ADAM19: variants seen among roughly 807,000 people sequenced by gnomAD.
ADAM19 encodes the protein ADAM metallopeptidase domain 19.
A neutral mutation model predicts 114.7 loss-of-function variants in ADAM19; 65 were observed. That is an observed-to-expected ratio of 0.57 (90% CI 0.46 to 0.70). ADAM19 has a LOEUF of 0.70. Among genes scored for constraint, ADAM19 ranks in the 30% least tolerant of loss-of-function variants. The probability of loss-of-function intolerance (pLI) is 0.00; values close to 1 mark genes in which losing one functional copy is unlikely to be tolerated. For missense variants in ADAM19, 1,063 were observed against 1,204.7 expected, an observed-to-expected ratio of 0.88 and a Z score of 1.74; for synonymous variants, 466 against 460.5, an observed-to-expected ratio of 1.01 and a Z score of -0.15.
chr5:157,504,376 T>C (rs1251198599), intron 11 of ADAM19, among the ~76,000 whole-genome samples: 1 of 152,068 alleles, frequency 6.6e-6, no homozygotes, highest in Non-Finnish European at 1.5e-5. Flanking sequence ...TCAGCCTCCC[T>C]AGTAGCTGGG....
At position 157,479,588 on chromosome 5, in the gene ADAM19, C is replaced by A; in HGVS notation, c.*1361G>T. On this transcript the variant is annotated 3_prime_UTR_variant, in exon 23 of 23. Coordinates refer to ENST00000257527, the MANE Select transcript of ADAM19 (RefSeq NM_033274.5). ...CCTGCTGCAGGGAAGACAGGAGCCA[C>A]CGCAGACCCCCTCACCTGCTCAGAG... 2.0e-6 allele frequency: 2 copies of A among 985,878 alleles called. No homozygotes were observed. The highest frequency in any genetic ancestry group is 2.4e-6 in the Non-Finnish European group (2 of 829,984). The allele number at this position is 985,878 out of a possible 1,614,324, so 61.1% of individuals were successfully genotyped here.
In ADAM19 at chr5:157,490,471, C is replaced by A; in HGVS notation, c.2096-17G>T. Reference sequence around the variant, plus strand: ...GACCCACACCTTCCAGAAACAGAACCCAAGTGGGAGATTTAGAAGCTGTCT... The same window carrying A: ...GACCCACACCTTCCAGAAACAGAACACAAGTGGGAGATTTAGAAGCTGTCT... On this transcript the variant is annotated splice_polypyrimidine_tract_variant and intron_variant, in intron 18 of 22. Transcript: ENST00000257527. The A allele has an allele frequency of 1.2e-6, 2 of 1,611,422 alleles. No individual in the cohort carries two copies. The highest frequency in any genetic ancestry group is 1.7e-6 in the Non-Finnish European group (2 of 1,178,188).
intron 3 of ADAM19, among the ~76,000 whole-genome samples, chr5:157,542,184 C>G (rs914887973): frequency 6.6e-6 from 1 of 152,068 alleles, no homozygotes; most frequent in African/African-American, 2.4e-5. Flanking sequence ...CTGCACAACA[C>G]CTGGAAAGAC....
At chr5:157,514,183 G>C (rs1365651757) in intron 7 of ADAM19, among the ~76,000 whole-genome samples, 1 of 152,190 alleles carries the variant, frequency 6.6e-6, no homozygotes, top group Non-Finnish European at 1.5e-5. Context: ...GAGGTCATGT[G>C]AATGACATGA....
At chr5:157,525,767 A>C (rs993781726) in intron 5 of ADAM19, among the ~76,000 whole-genome samples, 1 of 152,228 alleles carries the variant, frequency 6.6e-6, no homozygotes. Flanking sequence ...TTTTGAGCTT[A>C]TTCCAGGCCA....
At chr5:157,481,137 A>T (rs1232075410) in intron 22 of ADAM19, 135 bp from the exon 23 acceptor site, 2 of 1,180,004 alleles carry the variant, frequency 1.7e-6, no homozygotes, top group African/African-American at 3.0e-5. Context: ...TGTGAAGTCC[A>T]TCCATGTGTC....
chr5:157,526,171 TATACAC>T (rs1288838467), intron 5 of ADAM19, among the ~76,000 whole-genome samples: 179 of 147,816 alleles, frequency 1.2e-3, no homozygotes, highest in Middle Eastern at 7.0e-3. Context: ...TATATATATA[TATACAC>T]ACACACACAC....
Position 157,479,077 on chromosome 5 carries a change from G to A in ADAM19, c.*1872C>T. 2.0e-6 allele frequency: 2 copies of A among 985,784 alleles called. No individual in the cohort carries two copies. Among genetic ancestry groups the A allele is most frequent in the Non-Finnish European group, 2.4e-6 (2 of 829,942 alleles). The allele number at this position is 985,784 out of a possible 1,614,324, so 61.1% of individuals were successfully genotyped here. On this transcript the variant is annotated 3_prime_UTR_variant, in exon 23 of 23. Transcript: ENST00000257527. ...GTAGCACATTTAAATAAAAGGTTGGGCCACAGGAAAGGTGGGGAATGGATC... is the reference window on the plus strand; with the variant it reads ...GTAGCACATTTAAATAAAAGGTTGGACCACAGGAAAGGTGGGGAATGGATC...
At chr5:157,503,185 C>T (rs1010134256) in intron 11 of ADAM19, among the ~76,000 whole-genome samples, 1 of 152,150 alleles carries the variant, frequency 6.6e-6, no homozygotes, top group Non-Finnish European at 1.5e-5. Context: ...AGTTCGTGTC[C>T]TTAGTAGGGA....
intron 3 of ADAM19, among the ~76,000 whole-genome samples, chr5:157,562,194 A>G (rs887085010): frequency 1.3e-5 from 2 of 152,204 alleles, no homozygotes; most frequent in African/African-American, 4.8e-5. Context: ...CATGTTCAAA[A>G]CAAAAAGCCC....
intron 3 of ADAM19, among the ~76,000 whole-genome samples, chr5:157,562,631 A>C (rs540351882): frequency 6.6e-6 from 1 of 152,224 alleles, no homozygotes; most frequent in Non-Finnish European, 1.5e-5. Flanking sequence ...CACCAAGAAT[A>C]CACATGATCC....
At position 157,491,663 on chromosome 5, in the gene ADAM19, T is replaced by A. The variant is rs1172515624; in HGVS notation, c.2047A>T (p.Thr683Ser). Reference sequence around the variant, plus strand: ...TCGATACTGCCCCCGTGGCCCGGTGTGTTGCAGAAGGGCGGGGCCCAGCCC... The same window carrying A: ...TCGATACTGCCCCCGTGGCCCGGTGAGTTGCAGAAGGGCGGGGCCCAGCCC... ...LPGWAPPFCN[T>S]PGHGGSIDSG... Residue 683 changes from threonine to serine, a missense_variant, in exon 18 of 23, where the codon ACA becomes TCA. Transcript: ENST00000257527. 2 of 1,570,390 alleles carry A rather than the reference T, an allele frequency of 1.3e-6. No individual in the cohort carries two copies. Among genetic ancestry groups the A allele is most frequent in the Non-Finnish European group, 1.7e-6 (2 of 1,156,896 alleles).
intron 8 of ADAM19, among the ~76,000 whole-genome samples, chr5:157,513,093 T>C (rs1027984348): frequency 2.6e-5 from 4 of 152,194 alleles, no homozygotes; most frequent in Non-Finnish European, 5.9e-5. Flanking sequence ...TCTGTTTTCA[T>C]CTAACTTTTA....
intron 21 of ADAM19, among the ~76,000 whole-genome samples, chr5:157,486,555 C>T (rs1471859780): frequency 1.3e-5 from 2 of 152,156 alleles, no homozygotes; most frequent in African/African-American, 4.8e-5. Context: ...CTGTCCCTGA[C>T]ACTTCCTGAC....
At chr5:157,515,578 C>T (rs1218321521) in intron 7 of ADAM19, among the ~76,000 whole-genome samples, 1 of 152,198 alleles carries the variant, frequency 6.6e-6, no homozygotes, top group Non-Finnish European at 1.5e-5. Flanking sequence ...ACCAATGGGC[C>T]TGGCTGTGTT....
Position 157,480,098 on chromosome 5 carries a change from GTT to G in ADAM19, c.*849_*850del. 2.0e-6 allele frequency: 2 copies of G among 985,922 alleles called. No individual in the cohort carries two copies. Among genetic ancestry groups the G allele is most frequent in the Non-Finnish European group, 2.4e-6 (2 of 829,968 alleles). The allele number at this position is 985,922 out of a possible 1,614,324, so 61.1% of individuals were successfully genotyped here. A position where few individuals can be genotyped will look rare whatever the true frequency, so the allele number is the denominator to read the frequency against. ...CACCCGAAGGTCAGGACTGCTGAGG[GTT>G]TGCTCACCAAAGCACCACACATTAG... On this transcript the variant is annotated 3_prime_UTR_variant, in exon 23 of 23. Transcript: ENST00000257527.
chr5:157,494,741 G>T lies in ADAM19; in HGVS notation c.1649C>A (p.Thr550Asn). Residue 550 changes from threonine (T) to asparagine (N), a missense_variant, in exon 15 of 23, where the codon ACC becomes AAC. Around this residue, in one of 3 missense-constraint regions of ADAM19, gnomAD observed 24 missense variants for 53.0 expected, o/e 0.45. Transcript: ENST00000257527. Reference protein sequence around the residue: ...CFEKVNVAGDTFGNCGKDMNG... With the variant: ...CFEKVNVAGDNFGNCGKDMNG... ...CATGTCCTTTCCACAGTTTCCAAAG[G>T]TGTCTCCTGCCACATTCACCTTCTC... 1 of 1,613,898 alleles carries T rather than the reference G, an allele frequency of 6.2e-7. No individual in the cohort carries two copies.
intron 3 of ADAM19, among the ~76,000 whole-genome samples, chr5:157,540,475 T>A (rs1756886311): frequency 6.6e-6 from 1 of 152,146 alleles, no homozygotes; most frequent in South Asian, 2.1e-4. Context: ...GGAGAAATCA[T>A]TCACCCAGTG....
rs940902558 is a variant in ADAM19, at chr5:157,507,878, T to G, written c.906-738A>C. ...TGTTTCTGTGCATGCCACAAACATG[T>G]AATGTATTTAAAGAACCTATATGGA... On this transcript the variant is annotated intron_variant, in intron 9 of 22. Coordinates refer to ENST00000257527, the MANE Select transcript of ADAM19 (RefSeq NM_033274.5). 7.2e-5 allele frequency among the ~76,000 whole-genome samples: 11 copies of G among 152,212 alleles called. No individual in the cohort carries two copies. In the South Asian group the frequency reaches 1.0e-3, roughly 14 times the overall value.
Sources: gnomAD v4.1 joint callset for allele counts (sites outside exome capture counted in the v4.1 genomes callset) on GRCh38, gnomAD v4.1.1 for gene constraint, gnomAD v4.1.1 regional missense constraint, MANE v1.5 for transcripts, NCBI Gene and HGNC (gene_info 2026-07-23, HGNC 2026-07-21) for gene names.